The following MUSK variants were observed in gnomAD, a reference collection of about 807,000 sequenced individuals.
MUSK encodes the protein muscle associated receptor tyrosine kinase.
A neutral mutation model predicts 88.7 loss-of-function variants in MUSK; 55 were observed. The observed-to-expected ratio is 0.62, with a 90% CI of 0.50 to 0.78. MUSK has a LOEUF of 0.78. MUSK is among the 30% of genes least tolerant of loss of function. The pLI is 0.00. For missense variants in MUSK, 1,015 were observed against 1,074.3 expected (o/e 0.94, Z 0.77); for synonymous variants, 387 against 391.9 (o/e 0.99, Z 0.15).
chr9:110,681,355 C>T (rs2076134777), intron 1 of MUSK, among the ~76,000 whole-genome samples: 2 of 149,988 alleles, frequency 1.3e-5, no homozygotes, highest in Admixed American at 1.4e-4. Flanking sequence ...CTTATAAATA[C>T]AGTTTTGTTC....
At chr9:110,789,774 A>T (rs965416569) in intron 14 of MUSK, among the ~76,000 whole-genome samples, 2 of 151,862 alleles carry the variant, frequency 1.3e-5, no homozygotes, top group African/African-American at 4.8e-5. Flanking sequence ...GTGAGACTCC[A>T]TCTGGGAAAA....
At chr9:110,748,666 G>A (rs925992475) in intron 7 of MUSK, among the ~76,000 whole-genome samples, 19 of 152,030 alleles carry the variant, frequency 1.2e-4, no homozygotes, top group African/African-American at 2.2e-4. Flanking sequence ...AGGCAAGCAC[G>A]GATAGAGCTT....
At position 110,740,890 on chromosome 9, in the gene MUSK, T is replaced by A. The variant is rs532482137; in HGVS notation, c.753+6515T>A. The stretch of plus-strand genomic sequence containing the variant: ...ATTATGCTAAGTGAAATAAGCCAGA[T>A]ACAGAAAGGCAAATACCAAATGATC... On this transcript the variant is annotated intron_variant, in intron 6 of 14. Transcript: ENST00000374448. Among the ~76,000 whole-genome samples the A allele has an allele frequency of 2.6e-5, 4 of 152,204 alleles. No individual in the cohort carries two copies. In the East Asian group the frequency reaches 7.7e-4, roughly 29 times the overall value.
rs1037395942 is a variant in MUSK at position 110,805,952 on chromosome 9, T to C, written c.*4964T>C. On this transcript the variant is annotated 3_prime_UTR_variant, in exon 15 of 15. Coordinates refer to ENST00000374448, the MANE Select transcript of MUSK (RefSeq NM_005592.4). ...AAAACTCAGGAGTTTTTCTCTATAA[T>C]CTTGGTTAGTTTATTTTTAAATAAT... Among the ~76,000 whole-genome samples, 6 of 152,072 alleles carry C rather than the reference T, an allele frequency of 3.9e-5. No homozygotes were observed. The highest frequency in any genetic ancestry group is 1.4e-4 in the African/African-American group (6 of 41,460).
intron 9 of MUSK, among the ~76,000 whole-genome samples, chr9:110,770,140 TA>T (rs1157355096): frequency 1.3e-5 from 2 of 151,880 alleles, no homozygotes; most frequent in Admixed American, 1.3e-4. Context: ...ACTGTCTTTA[TA>T]ATTAATTTCA....
chr9:110,774,866 T>TATAC (rs371440047), intron 9 of MUSK, among the ~76,000 whole-genome samples: 14,821 of 138,872 alleles, frequency 0.11, 956 homozygotes, highest in East Asian at 0.23. Context: ...GGCATATATA[T>TATAC]ACACACACAC....
chr9:110,671,532 T>G (rs2075956648), intron 1 of MUSK, among the ~76,000 whole-genome samples: 3 of 152,220 alleles, frequency 2.0e-5, no homozygotes, highest in African/African-American at 7.2e-5. Flanking sequence ...TGATAAAAAT[T>G]AATATCCAAC....
At chr9:110,767,742 A>C in intron 8 of MUSK, 78 bp from the exon 9 acceptor site, 1 of 1,530,938 alleles carries the variant, frequency 6.5e-7, no homozygotes, top group Non-Finnish European at 9.0e-7. Flanking sequence ...AGATGTGAAA[A>C]CCAAAAAAAA....
intron 5 of MUSK, among the ~76,000 whole-genome samples, chr9:110,718,504 T>C (rs1372990835): frequency 1.3e-5 from 2 of 151,990 alleles, no homozygotes; most frequent in East Asian, 3.9e-4. Context: ...AAGACAAGGC[T>C]TGAACTAACC....
At chr9:110,767,750 A>T (rs543324300) in intron 8 of MUSK, 70 bp from the exon 9 acceptor site, 17 of 1,595,432 alleles carry the variant, frequency 1.1e-5, no homozygotes, top group Non-Finnish European at 1.5e-5. Flanking sequence ...AAACCAAAAA[A>T]AAAAAGAAAA....
At chr9:110,701,036 C>G (rs965355769) in intron 5 of MUSK, among the ~76,000 whole-genome samples, 2 of 152,076 alleles carry the variant, frequency 1.3e-5, no homozygotes, top group Non-Finnish European at 2.9e-5. Context: ...AAATTCTGTT[C>G]TTATGGTCTC....
At chr9:110,787,618 A>G (rs1402052200) in intron 13 of MUSK, 72 bp from the exon 14 acceptor site, 54 of 1,489,196 alleles carry the variant, frequency 3.6e-5, no homozygotes, top group Admixed American at 5.8e-5. Flanking sequence ...GAGGATATGT[A>G]TAAATGTGGG....
In MUSK at chr9:110,785,523, G is replaced by C. The variant is rs1241063085; in HGVS notation, c.1587-4G>C. On this transcript the variant is annotated splice_polypyrimidine_tract_variant and splice_region_variant and intron_variant, in intron 12 of 14. Transcript: ENST00000374448. ...ATTCCTGATCTTGCCTGTCTTGCCT[G>C]CAGAGAATCAGCAGCAGTAACCCTC... is the stretch of plus-strand genomic sequence containing the variant. 1 of 1,594,734 alleles carries C rather than the reference G, an allele frequency of 6.3e-7. No individual in the cohort carries two copies. Among genetic ancestry groups the C allele is most frequent in the Non-Finnish European group, 8.6e-7 (1 of 1,168,946 alleles).
At chr9:110,776,544 C>A in intron 10 of MUSK, 88 bp from the exon 11 acceptor site, 1 of 1,044,326 alleles carries the variant, frequency 9.6e-7, no homozygotes, top group Non-Finnish European at 1.5e-6. Flanking sequence ...TGAGAGAGAA[C>A]TTGCATTTCT....
chr9:110,755,973 T>G (rs1159946793), intron 7 of MUSK, among the ~76,000 whole-genome samples: 1 of 84,544 alleles, frequency 1.2e-5, no homozygotes, highest in Non-Finnish European at 2.6e-5. Context: ...TACATATATA[T>G]ATATACATAT....
chr9:110,721,929 A>T (rs2076816884), intron 5 of MUSK, among the ~76,000 whole-genome samples: 1 of 152,216 alleles, frequency 6.6e-6, no homozygotes, highest in African/African-American at 2.4e-5. Context: ...GAACCCAGAA[A>T]TGAAGCCAAA....
intron 7 of MUSK, among the ~76,000 whole-genome samples, chr9:110,749,442 A>G (rs2077220160): frequency 6.6e-6 from 1 of 152,236 alleles, no homozygotes; most frequent in Admixed American, 6.5e-5. Context: ...ATCAGTGGTC[A>G]AGGCTAGACC....
intron 4 of MUSK, 127 bp from the exon 5 acceptor site, chr9:110,697,198 G>T: frequency 1.1e-6 from 1 of 929,344 alleles, no homozygotes; most frequent in South Asian, 1.8e-5. Context: ...ATAATAAGTG[G>T]CCAATAAAGG....
intron 5 of MUSK, among the ~76,000 whole-genome samples, chr9:110,708,460 A>C (rs2076629580): frequency 6.6e-6 from 1 of 152,176 alleles, no homozygotes; most frequent in African/African-American, 2.4e-5. Context: ...TGCCACTAAC[A>C]GGTTTGATTT....
Sources: gnomAD v4.1 joint callset for allele counts (sites outside exome capture counted in the v4.1 genomes callset) on GRCh38, gnomAD v4.1.1 for gene constraint, MANE v1.5 for transcripts, NCBI Gene and HGNC (gene_info 2026-07-23, HGNC 2026-07-21) for gene names.